Variants in PLEKHA5 observed in about 807,000 individuals in gnomAD.
The protein encoded by PLEKHA5 is pleckstrin homology domain containing A5.
Under a neutral mutation model 181.9 loss-of-function variants are expected in PLEKHA5, and 55 were observed. The observed-to-expected ratio is 0.30, with a 90% CI of 0.24 to 0.38. PLEKHA5 has a LOEUF of 0.38. PLEKHA5 is among the 10% of genes least tolerant of loss of function. The pLI, the probability that PLEKHA5 is intolerant of heterozygous loss-of-function variation, is 1.00. For missense variants in PLEKHA5, 1,432 were observed against 1,549.5 expected (o/e 0.92, Z 1.27); for synonymous variants, 535 against 529.4 (o/e 1.01, Z -0.15).
intron 3 of PLEKHA5, among the ~76,000 whole-genome samples, chr12:19,186,754 T>G (rs2049956858): frequency 6.6e-6 from 1 of 152,212 alleles, no homozygotes; most frequent in Non-Finnish European, 1.5e-5. Context: ...ATATTCTAAC[T>G]GAGCTTTCAT....
chr12:19,203,430 C>T (rs919187480), intron 3 of PLEKHA5, among the ~76,000 whole-genome samples: 5 of 152,028 alleles, frequency 3.3e-5, no homozygotes, highest in Admixed American at 6.6e-5. Flanking sequence ...TTCTAGTATT[C>T]GCATTGTCAA....
chr12:19,283,239 C>G (rs749700944), intron 11 of PLEKHA5, 41 bp from the exon 12 acceptor site: 2,133 of 994,298 alleles, frequency 2.1e-3, no homozygotes, highest in Non-Finnish European at 2.9e-3. Flanking sequence ...TGGAAAATAA[C>G]CCTCCTTCAT....
At chr12:19,345,914 A>G in intron 23 of PLEKHA5, 26 bp downstream of exon 23, 1 of 1,165,442 alleles carries the variant, frequency 8.6e-7, no homozygotes, top group Non-Finnish European at 1.3e-6. Context: ...TTTTCTAATT[A>G]TAAATTACTT....
At chr12:19,304,461 C>G (rs1013582339) in intron 15 of PLEKHA5, among the ~76,000 whole-genome samples, 7 of 152,160 alleles carry the variant, frequency 4.6e-5, no homozygotes, top group Admixed American at 2.0e-4. Context: ...TTTGTGTTTA[C>G]TTAGTTTGAA....
chr12:19,296,042 G>A (rs2079681479), intron 15 of PLEKHA5, among the ~76,000 whole-genome samples: 3 of 152,030 alleles, frequency 2.0e-5, no homozygotes, highest in Admixed American at 1.3e-4. Context: ...GACCAGCCTG[G>A]CCAACGTATA....
chr12:19,140,828 G>T (rs912643997), intron 3 of PLEKHA5, among the ~76,000 whole-genome samples: 2 of 152,144 alleles, frequency 1.3e-5, no homozygotes, highest in Admixed American at 6.5e-5. Flanking sequence ...TCGCTCTGTT[G>T]CCTAGGCTGG....
chr12:19,167,405 ATTTTTTTTTTTTTTTT>A (rs56086557), intron 3 of PLEKHA5, among the ~76,000 whole-genome samples: 26 of 91,232 alleles, frequency 2.8e-4, no homozygotes, highest in African/African-American at 1.0e-3. Context: ...CTGAGGCTTA[ATTTTTTTTTTTTTTTT>A]TTTTTTTTTT....
chr12:19,238,472 T>G (rs2061789850), intron 3 of PLEKHA5, among the ~76,000 whole-genome samples: 3 of 152,150 alleles, frequency 2.0e-5, no homozygotes, highest in Admixed American at 2.0e-4. Context: ...AGTCCTAATT[T>G]AAGAGCCACA....
intron 3 of PLEKHA5, chr12:19,149,987 C>G (rs2039998036): frequency 6.6e-6 from 1 of 152,088 alleles, no homozygotes; most frequent in African/African-American, 2.4e-5. Context: ...GTTGTAGATA[C>G]AAGGAGAGGT....
intron 3 of PLEKHA5, among the ~76,000 whole-genome samples, chr12:19,143,625 CAATTATGCACAATTATGTAT>C (rs2038065871): frequency 6.6e-6 from 1 of 151,824 alleles, no homozygotes; most frequent in Admixed American, 6.6e-5. Flanking sequence ...ATTATATGTG[CAATTATGCACAATTATGTAT>C]GCGGCACATA....
Position 19,274,928 on chromosome 12 carries a change from T to A in PLEKHA5, c.1258T>A (p.Leu420Met). The A allele has an allele frequency of 6.2e-7, 1 of 1,613,164 alleles. No individual in the cohort carries two copies. The highest frequency in any genetic ancestry group is 8.5e-7 in the Non-Finnish European group (1 of 1,179,944). Residue 420 changes from leucine to methionine, a missense_variant, in exon 11 of 32, where the codon TTG becomes ATG. Around this residue, in one of 2 missense-constraint regions of PLEKHA5, gnomAD observed 1,143 missense variants for 1,168.4 expected, o/e 0.98. Coordinates refer to ENST00000429027, the MANE Select transcript of PLEKHA5 (RefSeq NM_001256470.2). ...VIQRTNSMQQ[L>M]EQWIKIQKGR... The stretch of plus-strand genomic sequence containing the variant: ...ACAGAGAACAAATTCAATGCAGCAG[T>A]TGGAACAGTGGATTAAAATCCAGAA...
intron 3 of PLEKHA5, among the ~76,000 whole-genome samples, chr12:19,163,597 G>C (rs1430399566): frequency 6.6e-6 from 1 of 152,130 alleles, no homozygotes; most frequent in Non-Finnish European, 1.5e-5. Context: ...TCACTGATGT[G>C]TTTCAGTGTC....
At chr12:19,369,152 G>A (rs984652396) in intron 30 of PLEKHA5, among the ~76,000 whole-genome samples, 4 of 151,488 alleles carry the variant, frequency 2.6e-5, no homozygotes, top group South Asian at 4.2e-4. Context: ...CTCCTACCCC[G>A]GCCTCCTAAG....
chr12:19,353,236 C>G (rs912307689), intron 25 of PLEKHA5, among the ~76,000 whole-genome samples: 1 of 152,132 alleles, frequency 6.6e-6, no homozygotes, highest in Admixed American at 6.6e-5. Context: ...TCACTGCAAC[C>G]TGCACCTCCT....
At chr12:19,134,600 A>G (rs2035050235) in intron 3 of PLEKHA5, among the ~76,000 whole-genome samples, 1 of 152,138 alleles carries the variant, frequency 6.6e-6, no homozygotes, top group South Asian at 2.1e-4. Flanking sequence ...CCTAATGTGC[A>G]CTGTAATTTC....
chr12:19,358,650 C>T (rs1479760117), intron 27 of PLEKHA5, among the ~76,000 whole-genome samples: 2 of 152,016 alleles, frequency 1.3e-5, no homozygotes, highest in Non-Finnish European at 1.5e-5. Context: ...GTTGGATGCC[C>T]GTGGACTAGT....
At chr12:19,338,607 C>CAA (rs779360545) in intron 21 of PLEKHA5, among the ~76,000 whole-genome samples, 201 of 130,036 alleles carry the variant, frequency 1.5e-3, no homozygotes, top group African/African-American at 5.4e-3. Context: ...GACTCTGTCT[C>CAA]AAAAAAAAAA....
At chr12:19,187,645 A>G (rs2050163154) in intron 3 of PLEKHA5, among the ~76,000 whole-genome samples, 1 of 152,206 alleles carries the variant, frequency 6.6e-6, no homozygotes, top group Non-Finnish European at 1.5e-5. Context: ...TGGATATAAA[A>G]GTCAGATCTT....
intron 31 of PLEKHA5, among the ~76,000 whole-genome samples, chr12:19,374,571 A>G (rs886995977): frequency 3.9e-5 from 6 of 151,952 alleles, no homozygotes; most frequent in African/African-American, 9.7e-5. Context: ...AGGCAGGAAA[A>G]TCACTTGAAC....
Sources: allele counts gnomAD v4.1 joint callset (sites outside exome capture counted in the v4.1 genomes callset), GRCh38; gene constraint gnomAD v4.1.1; regional missense constraint gnomAD v4.1.1; transcripts MANE v1.5; gene names NCBI Gene and HGNC (gene_info 2026-07-23, HGNC 2026-07-21).